ABHD4: variants seen among roughly 807,000 people sequenced by gnomAD.
The protein encoded by ABHD4 is abhydrolase domain containing 4, N-acyl phospholipase B.
ABHD4 carries 35 observed loss-of-function variants against 42.3 expected under a neutral mutation model. The observed-to-expected ratio is 0.83, with a 90% CI of 0.63 to 1.10. ABHD4 has a LOEUF of 1.10. Among genes scored for constraint, ABHD4 ranks in the 50% least tolerant of loss-of-function variants. The pLI is 0.00. For missense variants in ABHD4, 389 were observed against 454.8 expected, an observed-to-expected ratio of 0.86 and a Z score of 1.32; for synonymous variants, 169 against 170.6, an observed-to-expected ratio of 0.99 and a Z score of 0.07.
intron 5 of ABHD4, among the ~76,000 whole-genome samples, chr14:22,606,834 AT>A (rs1229965721): frequency 6.6e-6 from 1 of 152,154 alleles, no homozygotes; most frequent in Non-Finnish European, 1.5e-5. Flanking sequence ...ATTTTAAAAG[AT>A]TTTTTTAACT....
At chr14:22,605,389 CTAAG>C (rs896728178) in intron 4 of ABHD4, among the ~76,000 whole-genome samples, 27 of 152,206 alleles carry the variant, frequency 1.8e-4, no homozygotes, top group Admixed American at 1.5e-3. Flanking sequence ...TTGCTGATGG[CTAAG>C]TAAGAGTTAT....
At chr14:22,599,204 T>C (rs949454457) in intron 1 of ABHD4, among the ~76,000 whole-genome samples, 3 of 152,228 alleles carry the variant, frequency 2.0e-5, no homozygotes, top group African/African-American at 7.2e-5. Flanking sequence ...GAAAGAAATG[T>C]CCAGGGGAAT....
Position 22,609,889 on chromosome 14 carries a change from G to A in ABHD4, c.918G>A (p.Pro306=), listed in dbSNP as rs771731115. 53 of 1,613,856 alleles carry A rather than the reference G, an allele frequency of 3.3e-5. No individual in the cohort carries two copies. Among genetic ancestry groups the A allele is most frequent in the East Asian group, 2.2e-4 (10 of 44,878 alleles). ...GAAAAAAGGTGAAGATGCAGCGGCCGGATTCCTATGTCCGAGACATGGTAT... is the reference window on the plus strand; with the variant it reads ...GAAAAAAGGTGAAGATGCAGCGGCCAGATTCCTATGTCCGAGACATGGTAT... ...STGKKVKMQR[P]DSYVRDMEIK... is the part of the protein sequence containing the mutation. The change falls in exon 6 of 7, where the codon CCG becomes CCA. Residue 306 remains proline, a synonymous_variant. Coordinates refer to ENST00000428304, the MANE Select transcript of ABHD4 (RefSeq NM_022060.3).
intron 2 of ABHD4, among the ~76,000 whole-genome samples, chr14:22,602,011 C>T (rs1232113426): frequency 1.3e-5 from 2 of 152,324 alleles, no homozygotes; most frequent in East Asian, 1.9e-4. Flanking sequence ...AAACCCTATG[C>T]CAGTGCCGGC....
intron 4 of ABHD4, among the ~76,000 whole-genome samples, chr14:22,604,433 G>C (rs780335708): frequency 2.6e-5 from 4 of 152,086 alleles, no homozygotes; most frequent in African/African-American, 9.7e-5. Flanking sequence ...TGTGTTTTTA[G>C]TAGAGACGGG....
chr14:22,606,447 G>T lies in ABHD4; in HGVS notation c.666G>T (p.Arg222=), dbSNP rs763274894. 6.2e-7 allele frequency: 1 copy of T among 1,613,020 alleles called. No homozygotes were observed. The highest frequency in any genetic ancestry group is 8.5e-7 in the Non-Finnish European group (1 of 1,179,672). Residue 222 remains arginine, a synonymous_variant, in exon 5 of 7, where the codon CGG becomes CGT. Coordinates refer to ENST00000428304, the MANE Select transcript of ABHD4 (RefSeq NM_022060.3). ...GGCCTGGTCTGGTGCAGCGATTCCG[G>T]CCGGACTTCAAACGCAAGTTTGCAG... ...PWGPGLVQRF[R]PDFKRKFADF... is the part of the protein sequence containing the mutation.
intron 1 of ABHD4, chr14:22,600,033 G>A (rs751338870): frequency 3.4e-6 from 1 of 294,492 alleles, no homozygotes; most frequent in South Asian, 2.6e-5. Flanking sequence ...AAAGAAAGTT[G>A]ATTGGGAGTT....
intron 2 of ABHD4, 128 bp from the exon 3 acceptor site, chr14:22,603,262 A>C (rs2037306786): frequency 8.3e-7 from 1 of 1,198,800 alleles, no homozygotes; most frequent in Non-Finnish European, 1.2e-6. Flanking sequence ...GGGTTGTGAG[A>C]GGAAGGAGCT....
In ABHD4 at chr14:22,610,944, A is replaced by G; in HGVS notation, c.1025A>G (p.Asp342Gly). ...GTGGAGGAGATCTGCGACTCAGTTG[A>G]TTGAGCTGCTCTCTGAAGAGGAAGA... Reference protein sequence around the residue: ...AVVEEICDSVD With the variant: ...AVVEEICDSVG The change falls in exon 7 of 7, where the codon GAT (aspartate) becomes GGT (glycine). Residue 342 changes from aspartate (D) to glycine (G), a missense_variant. Asp to Gly is a moderately conservative substitution (Grantham distance 94, BLOSUM62 -1). Coordinates refer to ENST00000428304, the MANE Select transcript of ABHD4 (RefSeq NM_022060.3). 6.2e-7 allele frequency: 1 copy of G among 1,613,930 alleles called. No homozygotes were observed. Among genetic ancestry groups the G allele is most frequent in the Non-Finnish European group, 8.5e-7 (1 of 1,179,914 alleles).
intron 6 of ABHD4, among the ~76,000 whole-genome samples, chr14:22,610,571 G>T (rs1283733444): frequency 6.6e-6 from 1 of 152,166 alleles, no homozygotes; most frequent in Non-Finnish European, 1.5e-5. Flanking sequence ...GAGGCTGGGT[G>T]CCAACCATGG....
At chr14:22,607,475 G>A (rs1003978081) in intron 5 of ABHD4, among the ~76,000 whole-genome samples, 1 of 152,208 alleles carries the variant, frequency 6.6e-6, no homozygotes, top group Non-Finnish European at 1.5e-5. Flanking sequence ...GCAGAGATTT[G>A]CATTCCAGCA....
intron 1 of ABHD4, among the ~76,000 whole-genome samples, chr14:22,600,854 G>A (rs1238142376): frequency 6.6e-6 from 1 of 151,582 alleles, no homozygotes; most frequent in African/African-American, 2.4e-5. Flanking sequence ...GTGTGTGTGT[G>A]TGTGTGTGTG....
At chr14:22,603,103 C>T (rs2037305141) in intron 2 of ABHD4, among the ~76,000 whole-genome samples, 4 of 152,226 alleles carry the variant, frequency 2.6e-5, no homozygotes, top group Admixed American at 1.3e-4. Context: ...GTATGACTTA[C>T]TCATCCTGAC....
chr14:22,603,845 T>C, intron 3 of ABHD4, 80 bp from the exon 4 acceptor site: 1 of 1,587,170 alleles, frequency 6.3e-7, no homozygotes, highest in Non-Finnish European at 8.6e-7. Flanking sequence ...CAAACTTCTC[T>C]CATTCCCAGG....
chr14:22,605,907 A>G, intron 4 of ABHD4: 1 of 1,096,606 alleles, frequency 9.1e-7, no homozygotes, highest in Non-Finnish European at 1.2e-6. Flanking sequence ...AGATTGTTGT[A>G]AAACAGTGCC....
intron 6 of ABHD4, 32 bp downstream of exon 6, chr14:22,609,942 T>C: frequency 6.2e-7 from 1 of 1,604,792 alleles, no homozygotes; most frequent in Non-Finnish European, 8.5e-7. Flanking sequence ...GTGGAAATGA[T>C]GACTGAGAGT....
chr14:22,609,735 C>T lies in ABHD4; in HGVS notation c.764C>T (p.Ala255Val), dbSNP rs770640465. Residue 255 changes from alanine (A) to valine (V), a missense_variant, in exon 6 of 7, where the codon GCA (alanine) becomes GTA (valine). Physicochemically the swap from Ala to Val is moderately conservative, Grantham distance 64. Around this residue, in one of 3 missense-constraint regions of ABHD4, gnomAD observed 249 missense variants for 254.4 expected, o/e 0.98. Transcript: ENST00000428304. ...TTTGCTTTTGACAGTGGTGAGACAG[C>T]ATTCAAAGCCATGATGGAGTCCTTT... ...CNAQNPSGET[A>V]FKAMMESFGW... 1.2e-6 allele frequency: 2 copies of T among 1,613,752 alleles called. No homozygotes were observed. The highest frequency in any genetic ancestry group is 2.2e-5 in the South Asian group (2 of 91,046).
intron 1 of ABHD4, chr14:22,598,539 C>T: frequency 7.0e-7 from 1 of 1,432,394 alleles, no homozygotes; most frequent in Non-Finnish European, 9.5e-7. Flanking sequence ...GGGAGACGCG[C>T]TCGCCCGCAG....
At chr14:22,606,992 T>C (rs1316754128) in intron 5 of ABHD4, among the ~76,000 whole-genome samples, 3 of 152,222 alleles carry the variant, frequency 2.0e-5, no homozygotes, top group African/African-American at 7.2e-5. Flanking sequence ...CAGTCTAACA[T>C]AGCACATGTA....
Sources: gnomAD v4.1 joint callset for allele counts (sites outside exome capture counted in the v4.1 genomes callset) on GRCh38, gnomAD v4.1.1 for gene constraint, gnomAD v4.1.1 regional missense constraint, MANE v1.5 for transcripts, NCBI Gene and HGNC (gene_info 2026-07-23, HGNC 2026-07-21) for gene names.